The following BAZ1A variants were observed in gnomAD, a reference collection of about 807,000 sequenced individuals.
BAZ1A encodes bromodomain adjacent to zinc finger domain protein 1A.
Under a neutral mutation model 185.2 loss-of-function variants are expected in BAZ1A, and 50 were observed. The observed-to-expected ratio is 0.27, with a 90% CI of 0.22 to 0.34. The LOEUF (loss-of-function observed/expected upper bound fraction) is 0.34. BAZ1A is among the 10% of genes least tolerant of loss of function. The probability of loss-of-function intolerance (pLI) is 1.00; values close to 1 mark genes in which losing one functional copy is unlikely to be tolerated. For missense variants in BAZ1A, 1,356 were observed against 1,839.9 expected (o/e 0.74, Z 4.81); for synonymous variants, 571 against 615.6 (o/e 0.93, Z 1.07).
At chr14:34,758,090 C>T (rs543386156) in intron 25 of BAZ1A, among the ~76,000 whole-genome samples, 2 of 143,098 alleles carry the variant, frequency 1.4e-5, no homozygotes, top group South Asian at 4.6e-4. Flanking sequence ...CAAGACCAGC[C>T]TGGCAATGAA....
chr14:34,813,843 G>C (rs953598780), intron 4 of BAZ1A, among the ~76,000 whole-genome samples: 1 of 151,916 alleles, frequency 6.6e-6, no homozygotes, highest in Non-Finnish European at 1.5e-5. Flanking sequence ...TTTAGTTTGC[G>C]ACTAGCCTGG....
chr14:34,794,652 C>A (rs45547237), intron 11 of BAZ1A, 97 bp downstream of exon 11: 176,439 of 1,251,914 alleles, frequency 0.14, 13,765 homozygotes, highest in Admixed American at 0.32. Flanking sequence ...ATCCCAACTC[C>A]AGTGCCCCCA....
At chr14:34,806,448 C>T (rs2138667693) in intron 6 of BAZ1A, among the ~76,000 whole-genome samples, 1 of 152,260 alleles carries the variant, frequency 6.6e-6, no homozygotes, top group East Asian at 1.9e-4. Context: ...CTCCCTCCTC[C>T]CACCTTCTGA....
At position 34,765,228 on chromosome 14, in the gene BAZ1A, G is replaced by C. The variant is rs769564606; in HGVS notation, c.3342C>G (p.Asp1114Glu). 19 of 1,613,996 alleles carry C rather than the reference G, an allele frequency of 1.2e-5. No homozygotes were observed. The highest frequency in any genetic ancestry group is 1.6e-5 in the Non-Finnish European group (19 of 1,180,030). ...DSGRSYKTVL[D>E]RWRESLLSSA... is the part of the protein sequence containing the mutation. ...AAGAAAGGAGAGACTCTCTCCAACG[G>C]TCCAGAACTGTTTTATAAGAACGCC... is the stretch of plus-strand genomic sequence containing the variant. Residue 1114 changes from aspartate to glutamate, a missense_variant, in exon 22 of 27, where the codon GAC becomes GAG. Physicochemically the swap from Asp to Glu is conservative, Grantham distance 45. Coordinates refer to ENST00000360310, the MANE Select transcript of BAZ1A (RefSeq NM_013448.3).
chr14:34,807,957 T>G (rs1449261525), intron 5 of BAZ1A, among the ~76,000 whole-genome samples: 1 of 151,188 alleles, frequency 6.6e-6, no homozygotes, highest in Admixed American at 6.6e-5. Context: ...TACAAAAAAT[T>G]AGCAGGGTGT....
At chr14:34,848,398 G>A (rs1031603838) in intron 3 of BAZ1A, among the ~76,000 whole-genome samples, 1 of 152,002 alleles carries the variant, frequency 6.6e-6, no homozygotes, top group Non-Finnish European at 1.5e-5. Context: ...CTGAGGTCAG[G>A]AGTTCGAGAC....
intron 4 of BAZ1A, among the ~76,000 whole-genome samples, chr14:34,822,645 C>A (rs759986960): frequency 1.3e-5 from 2 of 152,048 alleles, no homozygotes; most frequent in Non-Finnish European, 2.9e-5. Flanking sequence ...AAAAATAATT[C>A]ATCAGCTTAT....
In BAZ1A at chr14:34,824,376, T is replaced by TAAA. The variant is rs59459941; in HGVS notation, c.536+1634_536+1636dup. Among the ~76,000 whole-genome samples the TAAA allele has an allele frequency of 3.1e-3, 86 of 27,582 alleles. 3 individuals carry two copies. Among genetic ancestry groups the TAAA allele is most frequent in the African/African-American group, 0.011 (63 of 5,616 alleles). 18.1% of individuals were successfully genotyped at this position (27,582 alleles called of 152,430 possible). ...ACAACAGAACAGGACTCCATCTCTT[T>TAAA]AAAAAAAAAAAAAAAAAAAAAAGCA... On this transcript the variant is annotated intron_variant, in intron 4 of 26. Transcript: ENST00000360310.
chr14:34,754,813 CATAA>C lies in BAZ1A; in HGVS notation c.4474+10_4474+13del. 2.0e-6 allele frequency: 3 copies of C among 1,503,748 alleles called. No individual in the cohort carries two copies. Among genetic ancestry groups the C allele is most frequent in the South Asian group, 1.2e-5 (1 of 82,270 alleles). 93.2% of individuals were successfully genotyped at this position (1,503,748 alleles called of 1,614,324 possible). On this transcript the variant is annotated intron_variant, in intron 26 of 26. Transcript: ENST00000360310. ...TAGAAAAATAAATATCAAAGAAAAA[CATAA>C]ATTACTTACATGCTAATTTATATTC... is the stretch of plus-strand genomic sequence containing the variant.
intron 25 of BAZ1A, among the ~76,000 whole-genome samples, chr14:34,757,551 G>C (rs1343785121): frequency 2.0e-5 from 3 of 151,508 alleles, no homozygotes; most frequent in Admixed American, 6.6e-5. Context: ...TGTAATCCCA[G>C]CTACTTGGGA....
chr14:34,773,469 A>T lies in BAZ1A; in HGVS notation c.3152+103T>A. 1.2e-5 allele frequency: 13 copies of T among 1,055,104 alleles called. No homozygotes were observed. The South Asian group carries it at 2.1e-4, about 17-fold the overall frequency. 65.4% of individuals were successfully genotyped at this position (1,055,104 alleles called of 1,614,324 possible). A position where few individuals can be genotyped will look rare whatever the true frequency, so the allele number is the denominator to read the frequency against. The stretch of plus-strand genomic sequence containing the variant: ...ATCAAGGTCCTCACGACAAGTTTTT[A>T]AAATAAGAAAAAGCAACATATTTAC... On this transcript the variant is annotated intron_variant, in intron 20 of 26. Transcript: ENST00000360310.
chr14:34,828,245 A>C (rs2042190524), intron 3 of BAZ1A, among the ~76,000 whole-genome samples: 1 of 134,278 alleles, frequency 7.4e-6, no homozygotes, highest in African/African-American at 2.7e-5. Context: ...GTGAGCCAAG[A>C]TTGTGCCATT....
chr14:34,820,329 A>C (rs1461832147), intron 4 of BAZ1A, among the ~76,000 whole-genome samples: 1 of 151,752 alleles, frequency 6.6e-6, no homozygotes, highest in Non-Finnish European at 1.5e-5. Context: ...TGGGGGTTTC[A>C]CTATGTTGCC....
chr14:34,846,500 T>C (rs1248874243), intron 3 of BAZ1A, among the ~76,000 whole-genome samples: 1 of 152,204 alleles, frequency 6.6e-6, no homozygotes, highest in African/African-American at 2.4e-5. Flanking sequence ...CATTGAACTA[T>C]TTTGTGAAGC....
chr14:34,776,331 G>A lies in BAZ1A; in HGVS notation c.2421C>T (p.Arg807=), dbSNP rs746787445. The change falls in exon 18 of 27, where the codon CGC becomes CGT. Residue 807 remains arginine (R), a synonymous_variant. Coordinates refer to ENST00000360310, the MANE Select transcript of BAZ1A (RefSeq NM_013448.3). The part of the protein sequence containing the change: ...IACTNIFPLG[R]DRMYRRYWIF... The stretch of plus-strand genomic sequence containing the variant: ...TCCAGTATCGTCTATACATGCGGTC[G>A]CGACCCAAGGGAAAGATATTGGTAC... The A allele has an allele frequency of 7.4e-6, 12 of 1,614,074 alleles. No individual in the cohort carries two copies. The highest frequency in any genetic ancestry group is 1.6e-4 in the Middle Eastern group (1 of 6,062).
chr14:34,820,414 G>A (rs888796530), intron 4 of BAZ1A, among the ~76,000 whole-genome samples: 10 of 152,180 alleles, frequency 6.6e-5, no homozygotes, highest in African/African-American at 1.9e-4. Flanking sequence ...TTACAGGCGT[G>A]AGCCATGGTG....
At chr14:34,863,056 T>C (rs1449040083) in intron 2 of BAZ1A, among the ~76,000 whole-genome samples, 1 of 147,030 alleles carries the variant, frequency 6.8e-6, no homozygotes, top group Non-Finnish European at 1.5e-5. Flanking sequence ...TGGCCGGATC[T>C]CGGCTCACTG....
chr14:34,774,250 G>T, intron 19 of BAZ1A, 77 bp downstream of exon 19: 1 of 1,217,814 alleles, frequency 8.2e-7, no homozygotes. Flanking sequence ...CCTTGTCTAT[G>T]CCATATAATT....
chr14:34,799,117 A>G (rs1881364375), intron 9 of BAZ1A, among the ~76,000 whole-genome samples: 1 of 151,638 alleles, frequency 6.6e-6, no homozygotes, highest in South Asian at 2.1e-4. Flanking sequence ...CATCATTCTC[A>G]GCAAACTATC....
Sources: gnomAD v4.1 joint callset for allele counts (sites outside exome capture counted in the v4.1 genomes callset) on GRCh38, gnomAD v4.1.1 for gene constraint, MANE v1.5 for transcripts, NCBI Gene and HGNC (gene_info 2026-07-23, HGNC 2026-07-21) for gene names.